Variants in PAX3 observed in about 807,000 individuals in gnomAD.
PAX3 encodes the protein paired box protein Pax-3.
Under a neutral mutation model 51.6 loss-of-function variants are expected in PAX3, and 14 were observed. The observed-to-expected ratio is 0.27, with a 90% CI of 0.18 to 0.42. PAX3 has a LOEUF of 0.42. PAX3 is among the 10% of genes least tolerant of loss of function. The pLI is 1.00. For missense variants in PAX3, 540 were observed against 642.8 expected (o/e 0.84, Z 1.73); for synonymous variants, 280 against 253.4 (o/e 1.11, Z -1.00).
Position 222,295,593 on chromosome 2 carries a change from A to T in PAX3, c.386T>A (p.Phe129Tyr). Residue 129 changes from phenylalanine to tyrosine, a missense_variant, in exon 3 of 9, where the codon TTC becomes TAC. Transcript: ENST00000392070. ...EEYKRENPGM[F>Y]SWEIRDKLLK... ...TAATTTGTCTCGGATTTCCCAGCTG[A>T]ACATGCCCGGGTTCTCTCTTTTGTA... 1 of 1,614,196 alleles carries T rather than the reference A, an allele frequency of 6.2e-7. No individual in the cohort carries two copies. Among genetic ancestry groups the T allele is most frequent in the Non-Finnish European group, 8.5e-7 (1 of 1,180,026 alleles).
intron 2 of PAX3, among the ~76,000 whole-genome samples, chr2:222,296,195 A>G (rs751369274): frequency 6.6e-6 from 1 of 152,226 alleles, no homozygotes; most frequent in Non-Finnish European, 1.5e-5. Context: ...TACCCCCAAT[A>G]TATATTTTTT....
chr2:222,221,416 T>G (rs754417478), intron 5 of PAX3, 29 bp from the exon 6 acceptor site: 1 of 1,595,656 alleles, frequency 6.3e-7, no homozygotes, highest in East Asian at 2.2e-5. Flanking sequence ...ATTTAAGGAT[T>G]TCACTGATGA....
intron 4 of PAX3, among the ~76,000 whole-genome samples, chr2:222,245,875 G>A (rs142465091): frequency 0.011 from 1,729 of 151,794 alleles, 38 homozygotes; most frequent in African/African-American, 0.037. Flanking sequence ...CACTTACTCC[G>A]GAGGCTAAAG....
chr2:222,245,509 G>A (rs1029714656), intron 4 of PAX3, among the ~76,000 whole-genome samples: 1 of 152,208 alleles, frequency 6.6e-6, no homozygotes, highest in Non-Finnish European at 1.5e-5. Context: ...TTCAGTAGCA[G>A]GTTTCTGCAT....
intron 5 of PAX3, among the ~76,000 whole-genome samples, chr2:222,222,641 C>T (rs147534050): frequency 2.6e-5 from 4 of 152,198 alleles, no homozygotes; most frequent in East Asian, 1.9e-4. Flanking sequence ...GTGATCCACC[C>T]GCCTCGACCT....
rs781226734 is a variant in PAX3 at position 222,207,644 on chromosome 2, G to A, written c.1174-5454C>T. Among the ~76,000 whole-genome samples, 31 of 152,064 alleles carry A rather than the reference G, an allele frequency of 2.0e-4. 1 individual carries two copies. Among genetic ancestry groups the A allele is most frequent in the Non-Finnish European group, 3.7e-4 (25 of 67,992 alleles). On this transcript the variant is annotated intron_variant, in intron 7 of 8. Transcript: ENST00000392070. ...AGTTAAACTCTAAGGGATTATGTAT[G>A]TTTCATCTCCAGCCCTGTGACCAAT...
intron 4 of PAX3, among the ~76,000 whole-genome samples, chr2:222,281,721 C>T (rs1694653455): frequency 6.6e-6 from 1 of 152,160 alleles, no homozygotes; most frequent in East Asian, 1.9e-4. Context: ...AATCAGATGC[C>T]ACAAACTATG....
At chr2:222,293,063 G>T (rs542725857) in intron 4 of PAX3, among the ~76,000 whole-genome samples, 1 of 152,328 alleles carries the variant, frequency 6.6e-6, no homozygotes, top group Non-Finnish European at 1.5e-5. Context: ...TCTGGTAAGG[G>T]CTCGGACCCA....
intron 7 of PAX3, among the ~76,000 whole-genome samples, chr2:222,202,969 C>T (rs1574620937): frequency 2.3e-5 from 3 of 132,114 alleles, no homozygotes; most frequent in South Asian, 5.1e-4. Flanking sequence ...CAAGTAAAAG[C>T]CTCCATTACC....
At chr2:222,201,600 G>T (rs1691295040) in intron 8 of PAX3, 158 bp from the exon 9 acceptor site, 2 of 1,300,854 alleles carry the variant, frequency 1.5e-6, no homozygotes, top group Non-Finnish European at 2.2e-6. Context: ...ACAACTTTGT[G>T]TCCCTGGGAT....
intron 5 of PAX3, among the ~76,000 whole-genome samples, chr2:222,228,704 G>A (rs946346034): frequency 2.6e-5 from 4 of 152,168 alleles, no homozygotes; most frequent in Non-Finnish European, 4.4e-5. Context: ...AGACGCTGAG[G>A]AGGGAGGATC....
At chr2:222,250,367 G>T (rs1693380841) in intron 4 of PAX3, among the ~76,000 whole-genome samples, 1 of 152,080 alleles carries the variant, frequency 6.6e-6, no homozygotes, top group South Asian at 2.1e-4. Flanking sequence ...ATTTTAGCCA[G>T]CATGTATAAT....
At chr2:222,212,872 A>C (rs1348636217) in intron 7 of PAX3, among the ~76,000 whole-genome samples, 1 of 152,226 alleles carries the variant, frequency 6.6e-6, no homozygotes, top group East Asian at 1.9e-4. Flanking sequence ...TAGCACGGCT[A>C]TGTATTGCTG....
chr2:222,211,519 C>T (rs890135820), intron 7 of PAX3, among the ~76,000 whole-genome samples: 13 of 152,166 alleles, frequency 8.5e-5, no homozygotes, highest in Admixed American at 8.5e-4. Flanking sequence ...AATTAGTCTC[C>T]CCCTACTCTA....
intron 6 of PAX3, among the ~76,000 whole-genome samples, chr2:222,220,918 T>G (rs1692168248): frequency 6.6e-6 from 1 of 152,206 alleles, no homozygotes; most frequent in South Asian, 2.1e-4. Context: ...AGTTGCAAAC[T>G]GGAGTAAAAC....
intron 4 of PAX3, among the ~76,000 whole-genome samples, chr2:222,235,206 C>T (rs774688474): frequency 6.6e-6 from 1 of 152,152 alleles, no homozygotes; most frequent in African/African-American, 2.4e-5. Context: ...TCCTGAGGGT[C>T]AAGACCATGG....
Position 222,202,200 on chromosome 2 carries a change from CA to C in PAX3, c.1174-11del, listed in dbSNP as rs1205039163. 3 of 1,567,266 alleles carry C rather than the reference CA, an allele frequency of 1.9e-6. No individual in the cohort carries two copies. The highest frequency in any genetic ancestry group is 2.6e-6 in the Non-Finnish European group (3 of 1,150,532). On this transcript the variant is annotated splice_polypyrimidine_tract_variant and intron_variant, in intron 7 of 8. Coordinates refer to ENST00000392070, the MANE Select transcript of PAX3 (RefSeq NM_181458.4). ...TCAGGAGTCCCATTACCTAAAAAAA[CA>C]GCCAGATTGGGAAGAGGTTAAAATG...
chr2:222,278,067 C>T (rs903627485), intron 4 of PAX3, among the ~76,000 whole-genome samples: 1 of 151,694 alleles, frequency 6.6e-6, no homozygotes, highest in Non-Finnish European at 1.5e-5. Flanking sequence ...GCCCAAGGAG[C>T]CCAAAAGATT....
intron 5 of PAX3, among the ~76,000 whole-genome samples, chr2:222,227,791 G>T (rs1052207429): frequency 1.3e-5 from 2 of 151,280 alleles, no homozygotes; most frequent in Non-Finnish European, 1.5e-5. Context: ...GTATACAACA[G>T]TTCTTACATT....
Sources: allele counts gnomAD v4.1 joint callset (sites outside exome capture counted in the v4.1 genomes callset), GRCh38; gene constraint gnomAD v4.1.1; transcripts MANE v1.5; gene names NCBI Gene and HGNC (gene_info 2026-07-23, HGNC 2026-07-21).